IFT27: variants seen among roughly 807,000 people sequenced by gnomAD.
IFT27 encodes intraflagellar transport 27, also known as intraflagellar transport protein 27 homolog.
In IFT27, 19 loss-of-function variants were observed where a neutral mutation model predicts 23.9. That is an observed-to-expected ratio of 0.79 (90% CI 0.55 to 1.16). The LOEUF is 1.16. Among genes scored for constraint, IFT27 ranks in the 50% most tolerant of loss-of-function variants. IFT27 has a pLI of 0.00. For synonymous variants in IFT27, 91 were observed against 89.1 expected, an observed-to-expected ratio of 1.02 and a Z score of -0.12; for missense variants, 206 against 228.7, an observed-to-expected ratio of 0.90 and a Z score of 0.64.
chr22:36,775,242 G>GA (rs1355031054), intron 1 of IFT27, among the ~76,000 whole-genome samples: 1 of 100,592 alleles, frequency 9.9e-6, no homozygotes, highest in Non-Finnish European at 2.2e-5. Flanking sequence ...ACCGTTATCA[G>GA]AGGGGGTGAG....
chr22:36,763,041 G>C, intron 5 of IFT27, 28 bp from the exon 6 acceptor site: 3 of 1,504,650 alleles, frequency 2.0e-6, no homozygotes, highest in Non-Finnish European at 2.7e-6. Flanking sequence ...CCAAAATATG[G>C]CACTTCACTG....
intron 1 of IFT27, chr22:36,772,352 G>T: frequency 3.8e-6 from 1 of 263,818 alleles, no homozygotes; most frequent in Non-Finnish European, 5.9e-6. Context: ...ACCTCTCTGT[G>T]CCTCAGCTGC....
intron 5 of IFT27, chr22:36,763,524 G>C (rs1938153935): frequency 2.9e-6 from 1 of 344,962 alleles, no homozygotes; most frequent in Admixed American, 4.2e-5. Flanking sequence ...ATCTCACATA[G>C]GGACGAAAAA....
intron 1 of IFT27, among the ~76,000 whole-genome samples, chr22:36,771,535 A>G (rs533702798): frequency 2.6e-4 from 40 of 152,196 alleles, no homozygotes; most frequent in Non-Finnish European, 4.4e-4. Flanking sequence ...GTCACGCGGC[A>G]GGTGACTGAA....
At chr22:36,769,197 C>G (rs900394836) in intron 1 of IFT27, among the ~76,000 whole-genome samples, 5 of 152,208 alleles carry the variant, frequency 3.3e-5, no homozygotes, top group African/African-American at 1.2e-4. Context: ...CCTCATGGAC[C>G]TGTTCACACA....
At position 36,767,354 on chromosome 22, in the gene IFT27, CATTCCTGT is replaced by C; in HGVS notation, c.118_125del (p.Thr40GlyfsTer11). 13 of 1,613,274 alleles carry C rather than the reference CATTCCTGT, an allele frequency of 8.1e-6. No individual in the cohort carries two copies. Among genetic ancestry groups the C allele is most frequent in the Non-Finnish European group, 1.1e-5 (13 of 1,179,494 alleles). On this transcript the variant is annotated frameshift_variant, in exon 3 of 7. Transcript: ENST00000433985. LOFTEE classifies it high-confidence loss of function. ...CTGGCACTGTCTTCACCACCAAATCCATTCCTGTTGTCTGCCGAGGAACACCAAGAATG... is the reference window on the plus strand; with the variant it reads ...CTGGCACTGTCTTCACCACCAAATCCTGTCTGCCGAGGAACACCAAGAATG...
chr22:36,773,899 T>C (rs1194461822), intron 1 of IFT27, among the ~76,000 whole-genome samples: 2 of 152,158 alleles, frequency 1.3e-5, no homozygotes, highest in Non-Finnish European at 1.5e-5. Context: ...TGAGACCACC[T>C]GTATTGAGGG....
At chr22:36,763,117 G>GA (rs1176774449) in intron 5 of IFT27, 104 bp from the exon 6 acceptor site, 4 of 723,338 alleles carry the variant, frequency 5.5e-6, no homozygotes, top group Non-Finnish European at 8.6e-6. Flanking sequence ...AGCATCCTCT[G>GA]AGAGCTGCCT....
chr22:36,770,503 C>T (rs1219939465), intron 1 of IFT27, among the ~76,000 whole-genome samples: 1 of 152,218 alleles, frequency 6.6e-6, no homozygotes, highest in Non-Finnish European at 1.5e-5. Flanking sequence ...TCTGTATATC[C>T]AAAAACCCGT....
chr22:36,773,935 C>T (rs187642764), intron 1 of IFT27, among the ~76,000 whole-genome samples: 13 of 152,182 alleles, frequency 8.5e-5, no homozygotes, highest in East Asian at 3.9e-4. Context: ...GCACCCAAAG[C>T]GCCAGTAAGT....
chr22:36,764,162 C>A (rs1938179166), intron 4 of IFT27, 126 bp from the exon 5 acceptor site: 1 of 703,008 alleles, frequency 1.4e-6, no homozygotes. Context: ...CGAAAACAGC[C>A]ACACCCCCAG....
chr22:36,770,305 C>T (rs144433513), intron 1 of IFT27, among the ~76,000 whole-genome samples: 1,816 of 152,256 alleles, frequency 0.012, 14 homozygotes, highest in Middle Eastern at 0.034. Context: ...CCTTCCTTCC[C>T]GAGTCCTGTC....
chr22:36,772,238 T>C (rs1272776370), intron 1 of IFT27, among the ~76,000 whole-genome samples: 1 of 152,220 alleles, frequency 6.6e-6, no homozygotes, highest in African/African-American at 2.4e-5. Context: ...ACCATCTCCA[T>C]GTATATCAAG....
intron 2 of IFT27, 52 bp downstream of exon 2, chr22:36,767,731 G>T: frequency 6.7e-7 from 1 of 1,487,132 alleles, no homozygotes; most frequent in South Asian, 1.1e-5. Context: ...TCATCATGGT[G>T]AACCGAGCAC....
At chr22:36,765,538 G>A (rs1024490180) in intron 4 of IFT27, among the ~76,000 whole-genome samples, 9 of 152,210 alleles carry the variant, frequency 5.9e-5, no homozygotes, top group African/African-American at 1.9e-4. Context: ...AAATGTGGCT[G>A]TTCTTGGAAA....
chr22:36,774,395 C>T (rs1035449889), intron 1 of IFT27, among the ~76,000 whole-genome samples: 5 of 152,190 alleles, frequency 3.3e-5, no homozygotes, highest in African/African-American at 1.2e-4. Context: ...CAGGTTTCAA[C>T]AGAAACACGA....
In IFT27 at chr22:36,763,950, A is replaced by T; in HGVS notation, c.321T>A (p.Ala107=). Residue 107 remains alanine (A), a synonymous_variant, in exon 5 of 7, where the codon GCT becomes GCA. Transcript: ENST00000433985. The part of the protein sequence containing the change: ...FNNCSKWLEK[A]RSQAPGISLP... The stretch of plus-strand genomic sequence containing the variant: ...GAGAGATGCCTGGAGCCTGTGACCG[A>T]GCCTTCTCCAGCCACTTGCTGCAGT... The T allele has an allele frequency of 6.2e-7, 1 of 1,613,950 alleles. No individual in the cohort carries two copies. The highest frequency in any genetic ancestry group is 8.5e-7 in the Non-Finnish European group (1 of 1,179,792).
rs368539047 is a variant in IFT27 at position 36,767,337 on chromosome 22, G to C, written c.143C>G (p.Thr48Arg). 1 of 1,613,772 alleles carries C rather than the reference G, an allele frequency of 6.2e-7. No homozygotes were observed. Among genetic ancestry groups the C allele is most frequent in the Non-Finnish European group, 8.5e-7 (1 of 1,179,892 alleles). The change falls in exon 3 of 7, where the codon ACA becomes AGA. Residue 48 changes from threonine to arginine, a missense_variant. By Grantham distance (71) the Thr-to-Arg change is moderately conservative. Coordinates refer to ENST00000433985, the MANE Select transcript of IFT27 (RefSeq NM_001177701.3). The stretch of plus-strand genomic sequence containing the variant: ...GTCTCCCGTGTCAGGAACTGGCACT[G>C]TCTTCACCACCAAATCCATTCCTGT... Reference protein sequence around the residue: ...LTTGMDLVVKTVPVPDTGDSV... With the variant: ...LTTGMDLVVKRVPVPDTGDSV...
At chr22:36,768,334 G>A (rs186859243) in intron 1 of IFT27, 3 of 337,144 alleles carry the variant, frequency 8.9e-6, no homozygotes, top group Admixed American at 4.1e-5. Flanking sequence ...TGGGGCGTGG[G>A]GGGTGGAAGG....
Sources: allele counts gnomAD v4.1 joint callset (sites outside exome capture counted in the v4.1 genomes callset), GRCh38; gene constraint gnomAD v4.1.1; transcripts MANE v1.5; gene names NCBI Gene and HGNC (gene_info 2026-07-23, HGNC 2026-07-21).